CRCP: variants seen among roughly 807,000 people sequenced by gnomAD.
CRCP encodes CGRP receptor component, also known as DNA-directed RNA polymerase III subunit RPC9.
A neutral mutation model predicts 18.5 loss-of-function variants in CRCP; 18 were observed. The observed-to-expected ratio is 0.97, with a 90% CI of 0.67 to 1.44. CRCP has a LOEUF of 1.44. Ranked by LOEUF, CRCP falls within the 40% of genes most tolerant of loss-of-function variation. The probability of loss-of-function intolerance (pLI) is 0.00; values close to 1 mark genes in which losing one functional copy is unlikely to be tolerated. For synonymous variants in CRCP, 53 were observed against 62.9 expected, an observed-to-expected ratio of 0.84 and a Z score of 0.75; for missense variants, 130 against 176.4, an observed-to-expected ratio of 0.74 and a Z score of 1.49.
intron 5 of CRCP, among the ~76,000 whole-genome samples, chr7:66,150,434 C>T (rs1412598731): frequency 6.6e-6 from 1 of 151,740 alleles, no homozygotes; most frequent in Non-Finnish European, 1.5e-5. Context: ...AGAAAATGGT[C>T]ATTTTATTTC....
chr7:66,122,315 C>A (rs572495901), intron 1 of CRCP, among the ~76,000 whole-genome samples: 1 of 135,674 alleles, frequency 7.4e-6, no homozygotes, highest in Non-Finnish European at 1.5e-5. Flanking sequence ...GCGGAGTTTG[C>A]GGTGAGCTGA....
At chr7:66,125,058 G>C (rs1380310930) in intron 1 of CRCP, among the ~76,000 whole-genome samples, 1 of 149,358 alleles carries the variant, frequency 6.7e-6, no homozygotes, top group Non-Finnish European at 1.5e-5. Context: ...TATTTGAAGA[G>C]TCTAAATTTA....
chr7:66,137,640 A>T (rs1215118429), intron 4 of CRCP, among the ~76,000 whole-genome samples: 1 of 152,242 alleles, frequency 6.6e-6, no homozygotes, highest in Admixed American at 6.5e-5. Context: ...TTGGATGTTG[A>T]ATGTTGTCAC....
At chr7:66,129,577 A>T (rs1229431683) in intron 2 of CRCP, among the ~76,000 whole-genome samples, 5 of 67,330 alleles carry the variant, frequency 7.4e-5, no homozygotes, top group Non-Finnish European at 6.3e-5. Context: ...CCCCCGCCCC[A>T]CAAAAAAGAA....
At chr7:66,141,940 C>T (rs1483975768) in intron 4 of CRCP, among the ~76,000 whole-genome samples, 2 of 152,132 alleles carry the variant, frequency 1.3e-5, no homozygotes, top group Non-Finnish European at 2.9e-5. Flanking sequence ...CAGTGCTCAG[C>T]TCCTTGGGTG....
At chr7:66,129,287 T>G (rs2115920918) in intron 2 of CRCP, among the ~76,000 whole-genome samples, 1 of 152,166 alleles carries the variant, frequency 6.6e-6, no homozygotes, top group Non-Finnish European at 1.5e-5. Context: ...GAGCCAAGAT[T>G]GTGCCACTGC....
chr7:66,128,813 T>C (rs1192769877), intron 2 of CRCP: 1 of 152,188 alleles, frequency 6.6e-6, no homozygotes, highest in Non-Finnish European at 1.5e-5. Flanking sequence ...AACCATCTGA[T>C]AGGCTCACTC....
chr7:66,116,289 G>A (rs1787259376), intron 1 of CRCP, among the ~76,000 whole-genome samples: 1 of 151,910 alleles, frequency 6.6e-6, no homozygotes, highest in African/African-American at 2.4e-5. Context: ...GAACCTGGGA[G>A]GTGGAGACCA....
At chr7:66,118,752 C>T (rs1480455416) in intron 1 of CRCP, among the ~76,000 whole-genome samples, 2 of 152,158 alleles carry the variant, frequency 1.3e-5, no homozygotes, top group Non-Finnish European at 2.9e-5. Context: ...TGGTTCCTGG[C>T]TCATAACTAC....
At chr7:66,128,125 A>AAG (rs1787671321) in intron 2 of CRCP, among the ~76,000 whole-genome samples, 1 of 151,610 alleles carries the variant, frequency 6.6e-6, no homozygotes, top group Admixed American at 6.6e-5. Flanking sequence ...AAAAAAAAAA[A>AAG]AAAGAAAGAA....
rs184899501 is a variant in CRCP at position 66,123,383 on chromosome 7, C to T, written c.9-4321C>T. 4.0e-3 allele frequency among the ~76,000 whole-genome samples: 612 copies of T among 152,280 alleles called. 3 individuals are homozygous for T. The highest frequency in any genetic ancestry group is 0.014 in the African/African-American group (565 of 41,566). ...GTGTTAGCTGTAGAGCAGACAGTTC[C>T]TGCTTTGTAGAGATCAACAGCTTCT... On this transcript the variant is annotated intron_variant, in intron 1 of 5. Transcript: ENST00000395326.
At chr7:66,138,621 T>TAAA (rs34807364) in intron 4 of CRCP, among the ~76,000 whole-genome samples, 15 of 93,404 alleles carry the variant, frequency 1.6e-4, no homozygotes, top group African/African-American at 3.9e-4. Context: ...TCGTCTCTAC[T>TAAA]AAAAAAAAAA....
chr7:66,136,587 C>T (rs1787978134), intron 4 of CRCP, among the ~76,000 whole-genome samples: 1 of 151,260 alleles, frequency 6.6e-6, no homozygotes, highest in East Asian at 2.0e-4. Flanking sequence ...TGGTCTTGAA[C>T]TCCTGACCTC....
intron 4 of CRCP, among the ~76,000 whole-genome samples, chr7:66,143,855 G>A (rs996100238): frequency 2.0e-5 from 3 of 152,244 alleles, no homozygotes; most frequent in South Asian, 4.1e-4. Context: ...TGGTAGTGGC[G>A]GCCTCTGGAA....
At chr7:66,139,789 G>A (rs1433924842) in intron 4 of CRCP, among the ~76,000 whole-genome samples, 1 of 152,160 alleles carries the variant, frequency 6.6e-6, no homozygotes, top group African/African-American at 2.4e-5. Context: ...CTGTTTTGGT[G>A]CTGTTCTGCA....
In CRCP at chr7:66,153,115, A is replaced by G. The variant is rs76817934; in HGVS notation, c.*758A>G. On this transcript the variant is annotated 3_prime_UTR_variant, in exon 6 of 6. Coordinates refer to ENST00000395326, the MANE Select transcript of CRCP (RefSeq NM_014478.5). ...TTCAGACCAGGTAAGCCTCATTTGCACAACAGTCAAATTGTTTGTTCCTTT... is the reference window on the plus strand; with the variant it reads ...TTCAGACCAGGTAAGCCTCATTTGCGCAACAGTCAAATTGTTTGTTCCTTT... 6.5e-6 allele frequency: 1 copy of G among 153,048 alleles called. No homozygotes were observed. The highest frequency in any genetic ancestry group is 1.5e-5 in the Non-Finnish European group (1 of 68,124). 9.5% of individuals were successfully genotyped at this position (153,048 alleles called of 1,614,324 possible). A position where few individuals can be genotyped will look rare whatever the true frequency, so the allele number is the denominator to read the frequency against.
At chr7:66,138,458 T>C (rs1788033561) in intron 4 of CRCP, among the ~76,000 whole-genome samples, 1 of 151,904 alleles carries the variant, frequency 6.6e-6, no homozygotes, top group Non-Finnish European at 1.5e-5. Flanking sequence ...TGGCTGCTGT[T>C]AAGATTTTTT....
At chr7:66,116,088 T>C (rs1318018613) in intron 1 of CRCP, among the ~76,000 whole-genome samples, 1 of 151,714 alleles carries the variant, frequency 6.6e-6, no homozygotes, top group Non-Finnish European at 1.5e-5. Context: ...CGTGAGCCAC[T>C]TCACCTGGCC....
rs575036684 is a variant in CRCP at position 66,129,226 on chromosome 7, G to A, written c.45+1486G>A. ...CGGGCGCCTGTAATCCCAGCTGCTCGGGAGGCTCAGGCAGGAGAATGGCGT... is the reference window on the plus strand; with the variant it reads ...CGGGCGCCTGTAATCCCAGCTGCTCAGGAGGCTCAGGCAGGAGAATGGCGT... On this transcript the variant is annotated intron_variant, in intron 2 of 5. Coordinates refer to ENST00000395326, the MANE Select transcript of CRCP (RefSeq NM_014478.5). Among the ~76,000 whole-genome samples the A allele has an allele frequency of 6.6e-5, 10 of 152,128 alleles. 1 individual carries two copies. The highest frequency in any genetic ancestry group is 1.4e-4 in the African/African-American group (6 of 41,444).
Sources: gnomAD v4.1 joint callset for allele counts (sites outside exome capture counted in the v4.1 genomes callset) on GRCh38, gnomAD v4.1.1 for gene constraint, MANE v1.5 for transcripts, NCBI Gene and HGNC (gene_info 2026-07-23, HGNC 2026-07-21) for gene names.